TET2: variants seen among roughly 807,000 people sequenced by gnomAD.
TET2 encodes methylcytosine dioxygenase TET2.
TET2 carries 299 observed loss-of-function variants against 142.9 expected under a neutral mutation model. The observed-to-expected ratio is 2.09, with a 90% confidence interval of 1.90 to 2.30. TET2 has a LOEUF of 2.30. TET2 is among the 30% of genes most tolerant of loss of function. The pLI, the probability that TET2 is intolerant of heterozygous loss-of-function variation, is 0.00. For synonymous variants in TET2, 819 were observed against 849.0 expected (o/e 0.96, Z 0.61); for missense variants, 2,418 against 2,378.0 (o/e 1.02, Z -0.35).
At chr4:105,166,030 T>G (rs1473661222) in intron 1 of TET2, among the ~76,000 whole-genome samples, 1 of 152,184 alleles carries the variant, frequency 6.6e-6, no homozygotes, top group East Asian at 1.9e-4. Flanking sequence ...ATTGCTAAAT[T>G]TATAATATTT....
intron 8 of TET2, among the ~76,000 whole-genome samples, chr4:105,266,879 T>A (rs1560567844): frequency 6.6e-6 from 1 of 151,920 alleles, no homozygotes; most frequent in Admixed American, 6.6e-5. Flanking sequence ...AACCCACAGA[T>A]CTCAGCAGCT....
At chr4:105,224,724 C>CTCTCTCTCTA (rs1728079057) in intron 2 of TET2, among the ~76,000 whole-genome samples, 1 of 150,046 alleles carries the variant, frequency 6.7e-6, no homozygotes, top group African/African-American at 2.5e-5. Context: ...CTCTCTCTCT[C>CTCTCTCTCTA]TCTGTCTCGT....
At chr4:105,162,628 A>G (rs1324515934) in intron 1 of TET2, among the ~76,000 whole-genome samples, 2 of 152,116 alleles carry the variant, frequency 1.3e-5, no homozygotes, top group Non-Finnish European at 2.9e-5. Context: ...GCTGACTCAA[A>G]CTCTTTTAGA....
chr4:105,249,846 C>A (rs1372942482), intron 6 of TET2, among the ~76,000 whole-genome samples: 2 of 152,136 alleles, frequency 1.3e-5, no homozygotes, highest in Admixed American at 6.6e-5. Context: ...TTTCTCCTAT[C>A]CCACAGGTTG....
intron 2 of TET2, among the ~76,000 whole-genome samples, chr4:105,195,796 A>C (rs1436876636): frequency 6.6e-6 from 1 of 152,106 alleles, no homozygotes; most frequent in Non-Finnish European, 1.5e-5. Context: ...GGCTGACTAT[A>C]ATGTTGTCTA....
At position 105,276,865 on chromosome 4, in the gene TET2, C is replaced by G; in HGVS notation, c.*346C>G. The stretch of plus-strand genomic sequence containing the variant: ...CCCCCCCCCCGCTTACAACTCTACA[C>G]ATCTGTGACCACTTTTAATAATATC... On this transcript the variant is annotated 3_prime_UTR_variant, in exon 11 of 11. Coordinates refer to ENST00000380013, the MANE Select transcript of TET2 (RefSeq NM_001127208.3). The G allele has an allele frequency of 4.8e-6, 1 of 206,624 alleles. No homozygotes were observed. Among genetic ancestry groups the G allele is most frequent in the Admixed American group, 6.1e-5 (1 of 16,400 alleles). The allele number at this position is 206,624 out of a possible 1,614,324, so 12.8% of individuals were successfully genotyped here. A position where few individuals can be genotyped will look rare whatever the true frequency, so the allele number is the denominator to read the frequency against.
At position 105,241,377 on chromosome 4, in the gene TET2, C is replaced by T. The variant is rs2110248877; in HGVS notation, c.3448C>T (p.His1150Tyr). The change falls in exon 4 of 11, where the codon CAT (histidine) becomes TAT (tyrosine). Residue 1150 changes from histidine to tyrosine, a missense_variant. Physicochemically the swap from His to Tyr is moderately conservative, Grantham distance 83. Transcript: ENST00000380013. ...AAAAGATGAAGGTCCTTTTTATACC[C>T]ATCTAGGAGCAGGTCCTAATGTGGC... ...IEKDEGPFYT[H>Y]LGAGPNVAAI... 6.5e-7 allele frequency: 1 copy of T among 1,549,260 alleles called. No individual in the cohort carries two copies. Among genetic ancestry groups the T allele is most frequent in the East Asian group, 2.4e-5 (1 of 40,888 alleles).
At chr4:105,171,070 C>T (rs1028954116) in intron 1 of TET2, among the ~76,000 whole-genome samples, 28 of 151,724 alleles carry the variant, frequency 1.8e-4, no homozygotes, top group African/African-American at 5.8e-4. Flanking sequence ...TTTTAAATGG[C>T]GGAAATAAAT....
chr4:105,265,219 A>G (rs1359290570), intron 8 of TET2, among the ~76,000 whole-genome samples: 3 of 152,224 alleles, frequency 2.0e-5, no homozygotes, highest in Admixed American at 6.5e-5. Context: ...GTTCAGTGTA[A>G]TAGGCACTAG....
intron 1 of TET2, among the ~76,000 whole-genome samples, chr4:105,154,326 AG>A (rs1047771147): frequency 2.6e-5 from 4 of 152,208 alleles, no homozygotes; most frequent in African/African-American, 7.2e-5. Flanking sequence ...AATGTAGTTG[AG>A]TTATTTGGTT....
chr4:105,279,338 A>G lies in TET2; in HGVS notation c.*2819A>G, dbSNP rs1469587128. The G allele has an allele frequency of 8.6e-6, 2 of 232,188 alleles. No individual in the cohort carries two copies. The highest frequency in any genetic ancestry group is 1.7e-5 in the Non-Finnish European group (2 of 117,484). 14.4% of individuals were successfully genotyped at this position (232,188 alleles called of 1,614,324 possible). On this transcript the variant is annotated 3_prime_UTR_variant, in exon 11 of 11. Transcript: ENST00000380013. ...AGGAAGAGAAGAAATTGAGTGGCAT[A>G]TTGTAAATATCAGATCTATAATTGT...
intron 2 of TET2, among the ~76,000 whole-genome samples, chr4:105,212,699 T>C (rs1318824098): frequency 6.6e-6 from 1 of 152,160 alleles, no homozygotes; most frequent in African/African-American, 2.4e-5. Context: ...TTAAAAAATA[T>C]TAATTTCCAG....
intron 6 of TET2, among the ~76,000 whole-genome samples, chr4:105,259,073 G>GTATATATCAAGTATA (rs1730287979): frequency 6.6e-6 from 1 of 152,084 alleles, no homozygotes; most frequent in African/African-American, 2.4e-5. Flanking sequence ...ATATACCTAT[G>GTATATATCAAGTATA]TATATATCAA....
At chr4:105,217,624 C>T (rs935551962) in intron 2 of TET2, among the ~76,000 whole-genome samples, 2 of 151,948 alleles carry the variant, frequency 1.3e-5, no homozygotes. Flanking sequence ...ATATTAAAGA[C>T]TTTGAGGCCA....
At chr4:105,147,998 ATC>A (rs1358121537) in intron 1 of TET2, among the ~76,000 whole-genome samples, 1 of 151,838 alleles carries the variant, frequency 6.6e-6, no homozygotes, top group Non-Finnish European at 1.5e-5. Flanking sequence ...TTGGTCTTTC[ATC>A]TCTCTGCCTT....
chr4:105,249,736 GA>G (rs1331868099), intron 6 of TET2, among the ~76,000 whole-genome samples: 1 of 152,194 alleles, frequency 6.6e-6, no homozygotes, highest in African/African-American at 2.4e-5. Context: ...ATTTTTTTGA[GA>G]AAAGTCTACT....
chr4:105,196,504 C>G (rs1347939289), intron 2 of TET2, among the ~76,000 whole-genome samples: 1 of 152,174 alleles, frequency 6.6e-6, no homozygotes, highest in Non-Finnish European at 1.5e-5. Context: ...AGATCAAACT[C>G]TATGCTTGAT....
At chr4:105,251,472 C>A (rs112652551) in intron 6 of TET2, among the ~76,000 whole-genome samples, 5 of 152,294 alleles carry the variant, frequency 3.3e-5, no homozygotes, top group African/African-American at 1.2e-4. Context: ...AATGCTGTGG[C>A]TACATCTAAT....
chr4:105,192,596 T>C (rs1211748192), intron 2 of TET2, among the ~76,000 whole-genome samples: 1 of 152,176 alleles, frequency 6.6e-6, no homozygotes, highest in East Asian at 1.9e-4. Flanking sequence ...TTGCTTTTAG[T>C]TTTTGAAATA....
Sources: allele counts gnomAD v4.1 joint callset (sites outside exome capture counted in the v4.1 genomes callset), GRCh38; gene constraint gnomAD v4.1.1; transcripts MANE v1.5; gene names NCBI Gene and HGNC (gene_info 2026-07-23, HGNC 2026-07-21).